Variants in UBE3D observed in about 807,000 individuals in gnomAD.
UBE3D encodes the protein E3 ubiquitin-protein ligase E3D.
A neutral mutation model predicts 49.6 loss-of-function variants in UBE3D; 48 were observed. The ratio of observed to expected loss-of-function variants is 0.97; its 90% CI spans 0.77 to 1.23. UBE3D has a LOEUF of 1.23. Among genes scored for constraint, UBE3D ranks in the 50% most tolerant of loss-of-function variants. The pLI is 0.00. For missense variants in UBE3D, 452 were observed against 468.4 expected, an observed-to-expected ratio of 0.96 and a Z score of 0.32; for synonymous variants, 189 against 174.2, an observed-to-expected ratio of 1.08 and a Z score of -0.67.
intron 9 of UBE3D, among the ~76,000 whole-genome samples, chr6:82,922,262 C>A (rs942487564): frequency 6.6e-6 from 1 of 152,106 alleles, no homozygotes; most frequent in Non-Finnish European, 1.5e-5. Context: ...GAATCAGCAG[C>A]TAAAAATTCT....
chr6:82,895,750 T>C (rs754838197), intron 9 of UBE3D, among the ~76,000 whole-genome samples: 83 of 152,190 alleles, frequency 5.5e-4, no homozygotes, highest in Non-Finnish European at 9.0e-4. Context: ...TAGGTGACAA[T>C]GGTGGGCTTA....
chr6:82,935,703 A>G (rs1222187388), intron 9 of UBE3D, among the ~76,000 whole-genome samples: 2 of 152,202 alleles, frequency 1.3e-5, no homozygotes, highest in Non-Finnish European at 2.9e-5. Flanking sequence ...TCAAAGAAAT[A>G]GCAAATAGTC....
At chr6:82,884,244 T>G in the UBE3D span, among the ~76,000 whole-genome samples, 2 of 152,158 alleles carry the variant, frequency 1.3e-5, no homozygotes, top group African/African-American at 4.8e-5. Flanking sequence ...ACAGTGAAAC[T>G]TTGGCTTATT....
the UBE3D span, among the ~76,000 whole-genome samples, chr6:82,883,961 C>G: frequency 6.6e-6 from 1 of 152,124 alleles, no homozygotes; most frequent in Admixed American, 6.6e-5. Flanking sequence ...CTGGGAGAAC[C>G]TCATTTTGGA....
chr6:82,974,660 G>T (rs1259518986), intron 8 of UBE3D, among the ~76,000 whole-genome samples: 1 of 151,916 alleles, frequency 6.6e-6, no homozygotes, highest in Non-Finnish European at 1.5e-5. Context: ...TGTGTGGCAG[G>T]GGGTAGGGAA....
At chr6:83,060,983 A>G (rs78072056) in intron 1 of UBE3D, among the ~76,000 whole-genome samples, 5 of 152,318 alleles carry the variant, frequency 3.3e-5, no homozygotes, top group African/African-American at 1.2e-4. Flanking sequence ...ACTGATTATG[A>G]AGAGAAAAAG....
At chr6:82,883,920 A>C in the UBE3D span, among the ~76,000 whole-genome samples, 2 of 152,166 alleles carry the variant, frequency 1.3e-5, no homozygotes, top group Non-Finnish European at 2.9e-5. Flanking sequence ...TTCTGCCCTG[A>C]ATCTATTTAT....
chr6:82,928,206 C>T (rs941391405), intron 9 of UBE3D, among the ~76,000 whole-genome samples: 6 of 151,826 alleles, frequency 4.0e-5, no homozygotes, highest in African/African-American at 7.3e-5. Flanking sequence ...AAAACTGCTA[C>T]AAAAATATGC....
chr6:83,031,312 C>T lies in UBE3D; in HGVS notation c.667+7104G>A, dbSNP rs373780983. On this transcript the variant is annotated intron_variant, in intron 5 of 9. Transcript: ENST00000369747. ...GCATGAGCTACCATACCCAGCCTGGCGGAAGAAATTTCTAACCAGTAAAGC... is the reference window on the plus strand; with the variant it reads ...GCATGAGCTACCATACCCAGCCTGGTGGAAGAAATTTCTAACCAGTAAAGC... Among the ~76,000 whole-genome samples the T allele has an allele frequency of 5.9e-5, 9 of 152,220 alleles. No individual in the cohort carries two copies. In the South Asian group the frequency reaches 1.2e-3, roughly 21 times the overall value.
Position 83,029,187 on chromosome 6 carries a change from T to G in UBE3D, c.668-5149A>C, listed in dbSNP as rs150851284. 9.7e-3 allele frequency among the ~76,000 whole-genome samples: 1,471 copies of G among 152,318 alleles called. 22 individuals are homozygous for G. The highest frequency in any genetic ancestry group is 0.034 in the African/African-American group (1,394 of 41,576). On this transcript the variant is annotated intron_variant, in intron 5 of 9. Transcript: ENST00000369747. ...CCAAGTTTTCAGCCAGTTTTTTGTATAAATTTTTTTTCTGACCCTTTCAAT... is the reference window on the plus strand; with the variant it reads ...CCAAGTTTTCAGCCAGTTTTTTGTAGAAATTTTTTTTCTGACCCTTTCAAT...
At chr6:82,905,772 G>C (rs1274283482) in intron 9 of UBE3D, among the ~76,000 whole-genome samples, 2 of 152,048 alleles carry the variant, frequency 1.3e-5, no homozygotes, top group African/African-American at 4.8e-5. Flanking sequence ...ATCTGCTTTT[G>C]TTCTCCAATA....
intron 4 of UBE3D, among the ~76,000 whole-genome samples, chr6:83,043,923 C>A (rs1255339602): frequency 6.6e-6 from 1 of 152,184 alleles, no homozygotes; most frequent in African/African-American, 2.4e-5. Flanking sequence ...CCAACTCAGA[C>A]CCTGAAACAC....
intron 8 of UBE3D, among the ~76,000 whole-genome samples, chr6:82,957,727 G>A (rs1289669331): frequency 6.6e-6 from 1 of 152,146 alleles, no homozygotes; most frequent in African/African-American, 2.4e-5. Flanking sequence ...ACCTGCTGGG[G>A]GAAGGGGTGG....
At chr6:82,905,635 T>C (rs1358213745) in intron 9 of UBE3D, among the ~76,000 whole-genome samples, 2 of 151,978 alleles carry the variant, frequency 1.3e-5, no homozygotes. Context: ...GAGAGAAAAA[T>C]GTTTGGGGCA....
At chr6:83,004,787 T>C (rs1779860848) in intron 8 of UBE3D, among the ~76,000 whole-genome samples, 1 of 152,208 alleles carries the variant, frequency 6.6e-6, no homozygotes, top group African/African-American at 2.4e-5. Flanking sequence ...TTAACCTTTG[T>C]TTCTTTTGTT....
intron 9 of UBE3D, among the ~76,000 whole-genome samples, chr6:82,951,725 C>T (rs1582446382): frequency 6.6e-6 from 1 of 152,166 alleles, no homozygotes; most frequent in African/African-American, 2.4e-5. Context: ...TTCTGGGCCT[C>T]AGGCTTGATT....
intron 9 of UBE3D, among the ~76,000 whole-genome samples, chr6:82,953,572 T>C (rs1775951266): frequency 6.6e-6 from 1 of 152,220 alleles, no homozygotes; most frequent in African/African-American, 2.4e-5. Flanking sequence ...ATTTCTAGAA[T>C]GTCACATGGC....
intron 8 of UBE3D, among the ~76,000 whole-genome samples, chr6:82,999,634 C>T (rs1779484528): frequency 1.3e-5 from 2 of 152,164 alleles, no homozygotes; most frequent in South Asian, 4.1e-4. Context: ...ATCCACCCAC[C>T]TCAGCCTCCC....
chr6:82,932,506 A>C (rs1582387230), intron 9 of UBE3D: 1 of 152,112 alleles, frequency 6.6e-6, no homozygotes. Context: ...CTTTAGGTTA[A>C]ATTTAATCTT....
Sources: allele counts gnomAD v4.1 joint callset (sites outside exome capture counted in the v4.1 genomes callset), GRCh38; gene constraint gnomAD v4.1.1; transcripts MANE v1.5; gene names NCBI Gene and HGNC (gene_info 2026-07-23, HGNC 2026-07-21).